Variants in FUBP3 observed in about 807,000 individuals in gnomAD.
The protein encoded by FUBP3 is far upstream element-binding protein 3.
A neutral mutation model predicts 85.6 loss-of-function variants in FUBP3; 28 were observed. That is an observed-to-expected ratio of 0.33 (90% CI 0.24 to 0.45). FUBP3 has a LOEUF of 0.45. Among genes scored for constraint, FUBP3 ranks in the 20% least tolerant of loss-of-function variants. The pLI, the probability that FUBP3 is intolerant of heterozygous loss-of-function variation, is 1.00. For synonymous variants in FUBP3, 271 were observed against 271.4 expected (o/e 1.00, Z 0.01); for missense variants, 583 against 755.1 (o/e 0.77, Z 2.67).
rs368255279 is a variant in FUBP3, at chr9:130,636,090, C to T, written c.1674C>T (p.Tyr558=). Residue 558 remains tyrosine, a synonymous_variant, in exon 18 of 19, where the codon TAC becomes TAT. Coordinates refer to ENST00000319725, the MANE Select transcript of FUBP3 (RefSeq NM_003934.2). ...ATTACAGACAGCAGGTCGCTTTCTA[C>T]GGACAGACGTTAGGGCAGGCGCAGG... is the stretch of plus-strand genomic sequence containing the variant. ...AEYYRQQVAF[Y]GQTLGQAQAH... 7.3e-5 allele frequency: 117 copies of T among 1,613,662 alleles called. No homozygotes were observed. In the African/African-American group the frequency reaches 1.1e-3, roughly 15 times the overall value.
In FUBP3 at chr9:130,631,695, T is replaced by A; in HGVS notation, c.1352+65T>A. The A allele has an allele frequency of 5.3e-6, 7 of 1,318,998 alleles. No homozygotes were observed. The South Asian group carries it at 8.4e-5, about 16-fold the overall frequency. The allele number at this position is 1,318,998 out of a possible 1,614,324, so 81.7% of individuals were successfully genotyped here. ...CGCTCCCCAGAGATCCCCTGTCGTT[T>A]CCAGCTACTTCTAGCGAGTGCCAGC... On this transcript the variant is annotated intron_variant, in intron 14 of 18. Transcript: ENST00000319725.
intron 3 of FUBP3, 108 bp downstream of exon 3, chr9:130,610,095 C>T: frequency 2.2e-6 from 2 of 924,750 alleles, no homozygotes; most frequent in Non-Finnish European, 3.5e-6. Context: ...TGTGAAAAAG[C>T]ATGGGTTAGG....
rs1450348124 is a variant in FUBP3, at chr9:130,609,994, A to C, written c.224+7A>C. The C allele has an allele frequency of 6.3e-7, 1 of 1,590,270 alleles. No individual in the cohort carries two copies. The highest frequency in any genetic ancestry group is 8.6e-7 in the Non-Finnish European group (1 of 1,158,804). ...GGGCCTTGGTACATCAAAGGTAAGC[A>C]GTGGGTTACGTTTTATTATTTATTG... On this transcript the variant is annotated splice_region_variant and intron_variant, in intron 3 of 18. Transcript: ENST00000319725.
rs188028130 is a variant in FUBP3, at chr9:130,615,058, G to T, written c.404+713G>T. Reference sequence around the variant, plus strand: ...GCTAAGATTATATCTGACTCAATAGGTAGGGTTGTTTTATTGTTTCCATTT... The same window carrying T: ...GCTAAGATTATATCTGACTCAATAGTTAGGGTTGTTTTATTGTTTCCATTT... On this transcript the variant is annotated intron_variant, in intron 6 of 18. Transcript: ENST00000319725. Among the ~76,000 whole-genome samples, 5 of 152,302 alleles carry T rather than the reference G, an allele frequency of 3.3e-5. 1 individual carries two copies. Among genetic ancestry groups the T allele is most frequent in the African/African-American group, 1.2e-4 (5 of 41,558 alleles).
chr9:130,601,849 T>A (rs1831173476), intron 2 of FUBP3, among the ~76,000 whole-genome samples: 1 of 128,360 alleles, frequency 7.8e-6, no homozygotes, highest in Non-Finnish European at 1.5e-5. Flanking sequence ...TCACCCAGGC[T>A]GGAGTGTAGT....
chr9:130,591,106 G>T (rs1270467165), intron 1 of FUBP3, among the ~76,000 whole-genome samples: 1 of 151,738 alleles, frequency 6.6e-6, no homozygotes, highest in African/African-American at 2.4e-5. Context: ...GGTGACTTTG[G>T]GCAGGTCACT....
At chr9:130,627,585 C>G (rs1015045789) in intron 12 of FUBP3, among the ~76,000 whole-genome samples, 12 of 152,196 alleles carry the variant, frequency 7.9e-5, no homozygotes, top group African/African-American at 2.9e-4. Flanking sequence ...ACCGTGTTGT[C>G]TTTTAGACTG....
intron 1 of FUBP3, among the ~76,000 whole-genome samples, chr9:130,585,173 A>AT (rs1830288794): frequency 6.6e-6 from 1 of 152,194 alleles, no homozygotes; most frequent in Admixed American, 6.5e-5. Context: ...AGAAAAAAAA[A>AT]GATTTCTGGT....
At chr9:130,626,568 C>T (rs1161019944) in intron 12 of FUBP3, 63 bp downstream of exon 12, 32 of 1,552,448 alleles carry the variant, frequency 2.1e-5, no homozygotes, top group Admixed American at 6.8e-5. Flanking sequence ...AGGCAGGTCA[C>T]GGGACCTCCA....
At chr9:130,636,865 A>C (rs1830439784) in intron 18 of FUBP3, 149 bp from the exon 19 acceptor site, 20 of 688,826 alleles carry the variant, frequency 2.9e-5, no homozygotes, top group Non-Finnish European at 5.3e-5. Context: ...CCCTGCCCCA[A>C]GTCCCTAGTG....
At chr9:130,583,428 G>A (rs974613906) in intron 1 of FUBP3, among the ~76,000 whole-genome samples, 4 of 152,184 alleles carry the variant, frequency 2.6e-5, no homozygotes, top group Non-Finnish European at 5.9e-5. Context: ...CCATTCATTG[G>A]CCAGTGGGTT....
chr9:130,634,110 ATAGCC>A (rs779569474), intron 16 of FUBP3, among the ~76,000 whole-genome samples: 1 of 152,114 alleles, frequency 6.6e-6, no homozygotes, highest in Non-Finnish European at 1.5e-5. Flanking sequence ...CACTGCCCAC[ATAGCC>A]TAGAGGGTGA....
rs1453240338 is a variant in FUBP3 at position 130,638,156 on chromosome 9, T to G, written c.*1134T>G. 1 of 152,610 alleles carries G rather than the reference T, an allele frequency of 6.6e-6. No homozygotes were observed. The highest frequency in any genetic ancestry group is 1.5e-5 in the Non-Finnish European group (1 of 68,036). 9.5% of individuals were successfully genotyped at this position (152,610 alleles called of 1,614,324 possible). On this transcript the variant is annotated 3_prime_UTR_variant, in exon 19 of 19. Coordinates refer to ENST00000319725, the MANE Select transcript of FUBP3 (RefSeq NM_003934.2). ...GACCTGAGGGACATTCCGTTTGAAA[T>G]GTACTGAAGTTACAGTTTCTGGTTT...
At chr9:130,580,550 C>A (rs1029304783) in intron 1 of FUBP3, 2 of 152,218 alleles carry the variant, frequency 1.3e-5, no homozygotes, top group Non-Finnish European at 2.9e-5. Context: ...CCTAACACTT[C>A]AGCTTCCTCG....
chr9:130,634,851 T>A (rs1323542322), intron 17 of FUBP3, 113 bp downstream of exon 17: 3 of 797,900 alleles, frequency 3.8e-6, no homozygotes, highest in Non-Finnish European at 6.2e-6. Flanking sequence ...CCTGTGTGGC[T>A]TGATCTCATT....
chr9:130,579,673 G>GGGCGGTAAT lies in FUBP3; in HGVS notation c.-2_7dup. Reference sequence around the variant, plus strand: ...TCGGCGGCGGCGGCGACGGCGGCGGGGGCGGTAATGGCGGAGCTGGTGCAG... The same window carrying GGGCGGTAAT: ...TCGGCGGCGGCGGCGACGGCGGCGGGGGCGGTAATGGCGGTAATGGCGGAGCTGGTGCAG... On this transcript the variant is annotated 5_prime_UTR_variant, in exon 1 of 19. It adds an upstream start codon to the 5' untranslated region. Transcript: ENST00000319725. The GGGCGGTAAT allele has an allele frequency of 8.0e-7, 1 of 1,250,770 alleles. No homozygotes were observed. The highest frequency in any genetic ancestry group is 1.0e-6 in the Non-Finnish European group (1 of 996,196). The allele number at this position is 1,250,770 out of a possible 1,614,324, so 77.5% of individuals were successfully genotyped here. A position where few individuals can be genotyped will look rare whatever the true frequency, so the allele number is the denominator to read the frequency against.
At position 130,589,709 on chromosome 9, in the gene FUBP3, T is replaced by A. The variant is rs867599963; in HGVS notation, c.85-5774T>A. Among the ~76,000 whole-genome samples, 605 of 69,256 alleles carry A rather than the reference T, an allele frequency of 8.7e-3. 2 individuals carry two copies. Among genetic ancestry groups the A allele is most frequent in the South Asian group, 0.021 (41 of 1,920 alleles). 45.4% of individuals were successfully genotyped at this position (69,256 alleles called of 152,430 possible). A position where few individuals can be genotyped will look rare whatever the true frequency, so the allele number is the denominator to read the frequency against. On this transcript the variant is annotated intron_variant, in intron 1 of 18. Transcript: ENST00000319725. The stretch of plus-strand genomic sequence containing the variant: ...TATATATATATATATATATATATTT[T>A]TTTTTTTTTTTTTTTTTTTAAGAGA...
At chr9:130,630,507 C>A in intron 12 of FUBP3, 121 bp from the exon 13 acceptor site, 1 of 678,340 alleles carries the variant, frequency 1.5e-6, no homozygotes, top group Non-Finnish European at 2.3e-6. Context: ...TCTCTACTGT[C>A]AGGGCAAGTG....
At position 130,598,538 on chromosome 9, in the gene FUBP3, C is replaced by G. The variant is rs565314581; in HGVS notation, c.190+2950C>G. On this transcript the variant is annotated intron_variant, in intron 2 of 18. Coordinates refer to ENST00000319725, the MANE Select transcript of FUBP3 (RefSeq NM_003934.2). ...AAGAGGAACCAAAGTATGATTGCCT[C>G]GAAAAGGTAAAGAGGTTACTTTGCA... Among the ~76,000 whole-genome samples, 5 of 152,214 alleles carry G rather than the reference C, an allele frequency of 3.3e-5. No individual in the cohort carries two copies. The South Asian group carries it at 6.2e-4, about 19-fold the overall frequency.
Sources: gnomAD v4.1 joint callset for allele counts (sites outside exome capture counted in the v4.1 genomes callset) on GRCh38, gnomAD v4.1.1 for gene constraint, MANE v1.5 for transcripts, NCBI Gene and HGNC (gene_info 2026-07-23, HGNC 2026-07-21) for gene names.